The following FOSL1 variants were observed in gnomAD, a reference collection of about 807,000 sequenced individuals.
FOSL1 encodes the protein FOS like 1, AP-1 transcription factor subunit, also known as fos-related antigen 1.
FOSL1 carries 14 observed loss-of-function variants against 24.9 expected under a neutral mutation model. That is an observed-to-expected ratio of 0.56 (90% CI 0.37 to 0.88). The LOEUF (loss-of-function observed/expected upper bound fraction) is 0.88, where lower values mean the gene tolerates loss of function less well. FOSL1 is among the 40% of genes least tolerant of loss of function. The probability of loss-of-function intolerance (pLI) is 0.00; values close to 1 mark genes in which losing one functional copy is unlikely to be tolerated. For synonymous variants in FOSL1, 133 were observed against 145.1 expected (o/e 0.92, Z 0.60); for missense variants, 318 against 359.8 (o/e 0.88, Z 0.94).
chr11:65,897,183 T>A (rs1410749927), intron 1 of FOSL1, among the ~76,000 whole-genome samples, 177 bp from the exon 2 acceptor site: 1 of 152,134 alleles, frequency 6.6e-6, no homozygotes, highest in Admixed American at 6.5e-5. Flanking sequence ...ATAAGCTGTG[T>A]GGCTTTGGGG....
At chr11:65,898,071 T>A (rs566040137) in intron 1 of FOSL1, among the ~76,000 whole-genome samples, 1 of 56,580 alleles carries the variant, frequency 1.8e-5, no homozygotes, top group Admixed American at 2.8e-4. Flanking sequence ...GACACAGTCT[T>A]GCTTTGTCAC....
intron 3 of FOSL1, 99 bp from the exon 4 acceptor site, chr11:65,893,395 G>T: frequency 1.1e-6 from 1 of 881,164 alleles, no homozygotes. Context: ...GGTTGGGCGG[G>T]GGGAGAGGGG....
rs1860543553 is a variant in FOSL1 at position 65,896,956 on chromosome 11, C to T, written c.150G>A (p.Leu50=). 6.2e-7 allele frequency: 1 copy of T among 1,614,058 alleles called. No individual in the cohort carries two copies. Residue 50 remains leucine, a synonymous_variant, in exon 2 of 4, where the codon CTG becomes CTA. Coordinates refer to ENST00000312562, the MANE Select transcript of FOSL1 (RefSeq NM_005438.5). ...GGAAATGAGGCTGTACCATCCACTG[C>T]AGCTCCTGACTGCCACTCATGGTGT... ...SINTMSGSQE[L]QWMVQPHFLG...
Position 65,900,301 on chromosome 11 carries a change from C to T in FOSL1, c.39G>A (p.Gly13=). 8.0e-7 allele frequency: 1 copy of T among 1,246,258 alleles called. No individual in the cohort carries two copies. Among genetic ancestry groups the T allele is most frequent in the Non-Finnish European group, 1.0e-6 (1 of 995,200 alleles). The allele number at this position is 1,246,258 out of a possible 1,614,324, so 77.2% of individuals were successfully genotyped here. ...CGGGGCCGCCGTACCCGCCGCCGTT[C>T]CCGGAGCTCGGGCCGGGTTCCCCGA... ...RDFGEPGPSS[G]NGGGYGGPAQ... The change falls in exon 1 of 4, where the codon GGG becomes GGA. Residue 13 remains glycine, a synonymous_variant. Coordinates refer to ENST00000312562, the MANE Select transcript of FOSL1 (RefSeq NM_005438.5).
chr11:65,896,222 G>A (rs1860522133), intron 2 of FOSL1, among the ~76,000 whole-genome samples: 1 of 152,176 alleles, frequency 6.6e-6, no homozygotes, highest in African/African-American at 2.4e-5. Context: ...GCCAAGGCCA[G>A]TCCTGTGTCA....
At chr11:65,894,430 T>C (rs1328029029) in intron 2 of FOSL1, among the ~76,000 whole-genome samples, 1 of 152,186 alleles carries the variant, frequency 6.6e-6, no homozygotes. Flanking sequence ...GGAAGCCGTC[T>C]TATTCCCCAG....
intron 2 of FOSL1, among the ~76,000 whole-genome samples, chr11:65,896,076 A>G (rs585557): frequency 0.28 from 42,612 of 151,914 alleles, 7,450 homozygotes; most frequent in African/African-American, 0.49. Context: ...ATGTTGCCCA[A>G]CCTAGTCTTG....
chr11:65,896,715 T>C, intron 2 of FOSL1, 94 bp downstream of exon 2: 3 of 1,100,630 alleles, frequency 2.7e-6, no homozygotes, highest in Non-Finnish European at 3.9e-6. Flanking sequence ...CCTTACCCCC[T>C]CCTAAGCCTG....
At chr11:65,898,045 G>GTTTTTTTTTTTTTTTTT (rs71036252) in intron 1 of FOSL1, among the ~76,000 whole-genome samples, 1 of 101,840 alleles carries the variant, frequency 9.8e-6, no homozygotes, top group African/African-American at 4.1e-5. Context: ...TTTCTTTTCT[G>GTTTTTTTTTTTTTTTTT]TTTTTTTTTT....
chr11:65,893,739 C>T (rs978682886), intron 3 of FOSL1, among the ~76,000 whole-genome samples: 2 of 151,864 alleles, frequency 1.3e-5, no homozygotes, highest in Non-Finnish European at 2.9e-5. Flanking sequence ...CACAGTGAGC[C>T]ATGAGCCGAG....
At chr11:65,899,761 C>G (rs1197994859) in intron 1 of FOSL1, among the ~76,000 whole-genome samples, 3 of 152,160 alleles carry the variant, frequency 2.0e-5, no homozygotes, top group African/African-American at 7.2e-5. Context: ...CGCGGAGGGT[C>G]GCAGACCGGG....
intron 1 of FOSL1, among the ~76,000 whole-genome samples, chr11:65,898,336 C>T (rs1257505252): frequency 6.6e-6 from 1 of 152,102 alleles, no homozygotes; most frequent in Admixed American, 6.6e-5. Flanking sequence ...GCACCGCGCA[C>T]GGCCTGGCTA....
intron 2 of FOSL1, among the ~76,000 whole-genome samples, chr11:65,896,485 C>T (rs946202267): frequency 6.6e-6 from 1 of 152,154 alleles, no homozygotes; most frequent in African/African-American, 2.4e-5. Context: ...GCGCACCTTA[C>T]ATGTTCTTGC....
rs1330477359 is a variant in FOSL1 at position 65,892,583 on chromosome 11, G to A, written c.*303C>T. ...ATCTGGAAGGGGTTAGGGCTCCAGA[G>A]GACCTCTAAGGATCTACAAAGTCTC... On this transcript the variant is annotated 3_prime_UTR_variant, in exon 4 of 4. Transcript: ENST00000312562. The A allele has an allele frequency of 5.1e-6, 3 of 589,884 alleles. No homozygotes were observed. Among genetic ancestry groups the A allele is most frequent in the Admixed American group, 4.3e-5 (2 of 46,200 alleles). 36.5% of individuals were successfully genotyped at this position (589,884 alleles called of 1,614,324 possible).
At chr11:65,899,448 C>T (rs1591091407) in intron 1 of FOSL1, among the ~76,000 whole-genome samples, 1 of 152,230 alleles carries the variant, frequency 6.6e-6, no homozygotes, top group East Asian at 1.9e-4. Context: ...CCTTCCCTCC[C>T]CTGTCGACAC....
chr11:65,893,392 CGGGGGGAGAG>C, intron 3 of FOSL1, 96 bp from the exon 4 acceptor site: 1 of 381,796 alleles, frequency 2.6e-6, no homozygotes, highest in Non-Finnish European at 5.0e-6. Context: ...TGGGGTTGGG[CGGGGGGAGAG>C]GGGGGGCAGT....
At chr11:65,897,096 A>T in intron 1 of FOSL1, 90 bp from the exon 2 acceptor site, 3 of 955,640 alleles carry the variant, frequency 3.1e-6, no homozygotes, top group Non-Finnish European at 3.3e-6. Flanking sequence ...GTCTACCTTC[A>T]ATGTACAGGC....
intron 1 of FOSL1, among the ~76,000 whole-genome samples, chr11:65,897,954 G>A (rs1192021021): frequency 2.0e-5 from 3 of 149,144 alleles, no homozygotes; most frequent in South Asian, 2.1e-4. Flanking sequence ...AGTGACCTGC[G>A]GGCTCAAGCA....
chr11:65,898,711 C>T (rs1383232939), intron 1 of FOSL1, among the ~76,000 whole-genome samples: 1 of 152,146 alleles, frequency 6.6e-6, no homozygotes, highest in African/African-American at 2.4e-5. Context: ...TCATACCCAG[C>T]ACTTTGGGAG....
Sources: gnomAD v4.1 joint callset for allele counts (sites outside exome capture counted in the v4.1 genomes callset) on GRCh38, gnomAD v4.1.1 for gene constraint, MANE v1.5 for transcripts, NCBI Gene and HGNC (gene_info 2026-07-23, HGNC 2026-07-21) for gene names.